CADM2: variants seen among roughly 807,000 people sequenced by gnomAD.
The protein encoded by CADM2 is cell adhesion molecule 2.
A neutral mutation model predicts 49.8 loss-of-function variants in CADM2; 12 were observed. The observed-to-expected ratio is 0.24, with a 90% CI of 0.15 to 0.39. The LOEUF (loss-of-function observed/expected upper bound fraction) is 0.39, where lower values mean the gene tolerates loss of function less well. Among genes scored for constraint, CADM2 ranks in the 10% least tolerant of loss-of-function variants. The pLI is 1.00. For synonymous variants in CADM2, 214 were observed against 175.4 expected (o/e 1.22, Z -1.74); for missense variants, 378 against 492.3 (o/e 0.77, Z 2.20).
intron 1 of CADM2, among the ~76,000 whole-genome samples, chr3:85,676,714 C>G (rs2065896245): frequency 6.6e-6 from 1 of 152,116 alleles, no homozygotes; most frequent in Non-Finnish European, 1.5e-5. Context: ...ATACTTCTTT[C>G]ATATGACAAT....
At chr3:85,001,226 C>T (rs2033445774) in intron 1 of CADM2, among the ~76,000 whole-genome samples, 1 of 151,904 alleles carries the variant, frequency 6.6e-6, no homozygotes, top group African/African-American at 2.4e-5. Flanking sequence ...TAATTATTCA[C>T]TTTCTCTAGA....
At chr3:85,823,596 T>C (rs2073730426) in intron 3 of CADM2, among the ~76,000 whole-genome samples, 1 of 152,210 alleles carries the variant, frequency 6.6e-6, no homozygotes, top group African/African-American at 2.4e-5. Flanking sequence ...TAATGTCTAC[T>C]TTGCAGAGTT....
In CADM2 at chr3:85,275,238, T is replaced by C. The variant is rs533682701; in HGVS notation, c.61+315570T>C. On this transcript the variant is annotated intron_variant, in intron 1 of 9. Transcript: ENST00000383699. ...CTTGGTGATCAGTGATAATATTACA[T>C]GCTTTTCTTTTGGATTTTGCACACT... Among the ~76,000 whole-genome samples the C allele has an allele frequency of 1.3e-3, 193 of 151,728 alleles. 1 individual carries two copies. The highest frequency in any genetic ancestry group is 4.2e-3 in the African/African-American group (175 of 41,506).
At chr3:85,170,918 A>T (rs10511088) in intron 1 of CADM2, among the ~76,000 whole-genome samples, 15,099 of 152,166 alleles carry the variant, frequency 0.099, 936 homozygotes, top group African/African-American at 0.17. Context: ...ATGAACAACA[A>T]TCACCATTTT....
Position 85,345,367 on chromosome 3 carries a change from A to G in CADM2, c.62-381155A>G, listed in dbSNP as rs1375255351. 2.0e-5 allele frequency among the ~76,000 whole-genome samples: 3 copies of G among 151,872 alleles called. No homozygotes were observed. In the East Asian group the frequency reaches 5.8e-4, roughly 29 times the overall value. On this transcript the variant is annotated intron_variant, in intron 1 of 9. Transcript: ENST00000383699. The stretch of plus-strand genomic sequence containing the variant: ...AGAAAATGCCCTGAATCAAAAATAA[A>G]AATGGAAATTAAAAATAAAAACAAA...
At chr3:85,932,195 TG>T (rs1330389987) in intron 6 of CADM2, among the ~76,000 whole-genome samples, 3 of 151,930 alleles carry the variant, frequency 2.0e-5, no homozygotes, top group Admixed American at 6.6e-5. Context: ...TAATTGATTA[TG>T]GAAAAAAACA....
chr3:85,784,770 G>A (rs780250738), intron 2 of CADM2, among the ~76,000 whole-genome samples: 3 of 152,098 alleles, frequency 2.0e-5, no homozygotes, highest in Non-Finnish European at 4.4e-5. Flanking sequence ...GTTTCTGCCT[G>A]GTTTTGGTAT....
intron 1 of CADM2, among the ~76,000 whole-genome samples, chr3:85,200,644 A>G (rs1320447919): frequency 6.6e-6 from 1 of 152,128 alleles, no homozygotes; most frequent in Admixed American, 6.5e-5. Flanking sequence ...AACCTGGGGA[A>G]CTAAAGAGGC....
At chr3:85,102,789 TTGC>T (rs2038061560) in intron 1 of CADM2, among the ~76,000 whole-genome samples, 1 of 152,140 alleles carries the variant, frequency 6.6e-6, no homozygotes, top group South Asian at 2.1e-4. Context: ...GAACTTCAGG[TTGC>T]TGCATAATTT....
chr3:85,564,841 T>C (rs1449385), intron 1 of CADM2, among the ~76,000 whole-genome samples: 77,880 of 151,906 alleles, frequency 0.51, 23,051 homozygotes, highest in East Asian at 0.85. Context: ...AAATAACTCA[T>C]CTTCTAAATG....
intron 1 of CADM2, among the ~76,000 whole-genome samples, chr3:85,244,716 A>G (rs1359154402): frequency 2.6e-5 from 4 of 152,120 alleles, no homozygotes; most frequent in Non-Finnish European, 5.9e-5. Context: ...GGATGTCAAG[A>G]GGTTTCTGAG....
At chr3:85,871,101 C>T (rs903630465) in intron 3 of CADM2, among the ~76,000 whole-genome samples, 1 of 152,136 alleles carries the variant, frequency 6.6e-6, no homozygotes, top group African/African-American at 2.4e-5. Context: ...AGTGAACAGA[C>T]AACCTACAGA....
intron 1 of CADM2, among the ~76,000 whole-genome samples, chr3:85,678,221 C>T (rs984648029): frequency 1.3e-5 from 2 of 152,072 alleles, no homozygotes; most frequent in African/African-American, 2.4e-5. Flanking sequence ...AGGATTGAAA[C>T]GGATGTTCCA....
intron 1 of CADM2, among the ~76,000 whole-genome samples, chr3:85,206,598 C>T (rs1214674731): frequency 3.3e-5 from 5 of 151,988 alleles, no homozygotes; most frequent in African/African-American, 4.8e-5. Context: ...TGAGCCACCG[C>T]GCCCGGCCGA....
chr3:85,124,383 T>A (rs2038960646), intron 1 of CADM2, among the ~76,000 whole-genome samples: 1 of 152,090 alleles, frequency 6.6e-6, no homozygotes, highest in Non-Finnish European at 1.5e-5. Flanking sequence ...GCAGGAGGAT[T>A]GCTTGAGGAC....
At chr3:85,362,864 T>A (rs1033371807) in intron 1 of CADM2, among the ~76,000 whole-genome samples, 2 of 152,168 alleles carry the variant, frequency 1.3e-5, no homozygotes, top group Non-Finnish European at 2.9e-5. Context: ...TATTGTAATA[T>A]AAAAGGAAAT....
intron 1 of CADM2, 106 bp downstream of exon 1, chr3:84,959,774 C>T: frequency 9.6e-7 from 1 of 1,039,292 alleles, no homozygotes; most frequent in Non-Finnish European, 1.4e-6. Context: ...CTGTCCCCAG[C>T]GATTTCCACC....
At chr3:85,676,460 T>C (rs950359295) in intron 1 of CADM2, among the ~76,000 whole-genome samples, 2 of 152,180 alleles carry the variant, frequency 1.3e-5, no homozygotes, top group African/African-American at 4.8e-5. Flanking sequence ...AATGCTGTCC[T>C]TTTTCCTTAA....
intron 1 of CADM2, among the ~76,000 whole-genome samples, chr3:85,538,086 T>C (rs963711217): frequency 6.6e-6 from 1 of 152,138 alleles, no homozygotes; most frequent in Non-Finnish European, 1.5e-5. Flanking sequence ...AACCAAGATA[T>C]ATAAGATTTG....
Sources: gnomAD v4.1 joint callset for allele counts (sites outside exome capture counted in the v4.1 genomes callset) on GRCh38, gnomAD v4.1.1 for gene constraint, MANE v1.5 for transcripts, NCBI Gene and HGNC (gene_info 2026-07-23, HGNC 2026-07-21) for gene names.